Variants in DPP6 observed in about 807,000 individuals in gnomAD.
DPP6 encodes the protein dipeptidyl peptidase like 6, also known as A-type potassium channel modulatory protein DPP6.
Under a neutral mutation model 122.6 loss-of-function variants are expected in DPP6, and 69 were observed. That is an observed-to-expected ratio of 0.56 (90% CI 0.46 to 0.69). The LOEUF is 0.69. Among genes scored for constraint, DPP6 ranks in the 30% least tolerant of loss-of-function variants. The probability of loss-of-function intolerance (pLI) is 0.00; values close to 1 mark genes in which losing one functional copy is unlikely to be tolerated. For synonymous variants in DPP6, 418 were observed against 433.1 expected (o/e 0.97, Z 0.43); for missense variants, 928 against 1,116.9 (o/e 0.83, Z 2.41).
the DPP6 span, among the ~76,000 whole-genome samples, chr7:153,815,538 T>C: frequency 6.7e-6 from 1 of 149,054 alleles, no homozygotes; most frequent in African/African-American, 2.5e-5. Context: ...CCCACAGCAG[T>C]CCCCAGAGTG....
intron 4 of DPP6, 134 bp from the exon 5 acceptor site, chr7:154,566,708 C>A: frequency 5.1e-6 from 3 of 588,964 alleles, no homozygotes; most frequent in East Asian, 3.1e-5. Flanking sequence ...TATTATTCAG[C>A]TAACAAAGAA....
At chr7:154,311,784 C>A (rs1237235360) in intron 1 of DPP6, among the ~76,000 whole-genome samples, 1 of 152,156 alleles carries the variant, frequency 6.6e-6, no homozygotes, top group African/African-American at 2.4e-5. Flanking sequence ...CCACTGGTAC[C>A]CATGGTTTAG....
At chr7:154,779,168 T>A (rs1796854256) in intron 10 of DPP6, among the ~76,000 whole-genome samples, 2 of 1,464 alleles carry the variant, frequency 1.4e-3, no homozygotes, top group African/African-American at 2.8e-3. Context: ...CTCCACTACC[T>A]CTACCACATC....
intron 7 of DPP6, 56 bp from the exon 8 acceptor site, chr7:154,727,711 C>A: frequency 6.6e-7 from 1 of 1,521,224 alleles, no homozygotes; most frequent in South Asian, 1.3e-5. Flanking sequence ...TTAAGAACAG[C>A]CTATTTATAA....
intron 4 of DPP6, among the ~76,000 whole-genome samples, chr7:154,558,238 T>C (rs2130449640): frequency 6.6e-6 from 1 of 152,264 alleles, no homozygotes; most frequent in African/African-American, 2.4e-5. Flanking sequence ...GCCTAATACA[T>C]AGATTTCCCT....
chr7:154,548,611 AG>A (rs1209221169), intron 4 of DPP6, among the ~76,000 whole-genome samples: 3 of 152,046 alleles, frequency 2.0e-5, no homozygotes, highest in African/African-American at 7.2e-5. Flanking sequence ...CTGCAGGCTA[AG>A]GGCTGTGTAC....
At chr7:153,887,948 C>T (rs1222196480) in intron 1 of DPP6, among the ~76,000 whole-genome samples, 1 of 152,132 alleles carries the variant, frequency 6.6e-6, no homozygotes, top group Non-Finnish European at 1.5e-5. Context: ...TGCAACTTTG[C>T]GGCTCCGCGG....
chr7:153,828,779 C>T, the DPP6 span, among the ~76,000 whole-genome samples: 1 of 152,102 alleles, frequency 6.6e-6, no homozygotes, highest in Non-Finnish European at 1.5e-5. Flanking sequence ...ACTATGGGAA[C>T]TAATCACTTT....
chr7:153,768,577 T>A, the DPP6 span, among the ~76,000 whole-genome samples: 2 of 152,280 alleles, frequency 1.3e-5, no homozygotes, highest in African/African-American at 2.4e-5. Context: ...TATGGAGGTA[T>A]CTCAGTGTGG....
Position 154,345,767 on chromosome 7 carries a change from T to G in DPP6, c.244-100447T>G, listed in dbSNP as rs77024781. Reference sequence around the variant, plus strand: ...CCAGCCACACTCTGCATCCCTCATTTATGGTCCCTGGAACTGGGACCCTGT... The same window carrying G: ...CCAGCCACACTCTGCATCCCTCATTGATGGTCCCTGGAACTGGGACCCTGT... On this transcript the variant is annotated intron_variant, in intron 1 of 25. Coordinates refer to ENST00000377770, the MANE Select transcript of DPP6 (RefSeq NM_130797.4). Among the ~76,000 whole-genome samples the G allele has an allele frequency of 7.3e-4, 111 of 152,330 alleles. 1 individual carries two copies. The East Asian group carries it at 0.016, about 23-fold the overall frequency.
the DPP6 span, among the ~76,000 whole-genome samples, chr7:153,792,111 C>T: frequency 3.3e-5 from 5 of 152,364 alleles, no homozygotes; most frequent in African/African-American, 9.6e-5. Flanking sequence ...TATTTATAAA[C>T]TTTAAATTGC....
intron 15 of DPP6, among the ~76,000 whole-genome samples, chr7:154,806,468 C>T (rs923942915): frequency 2.0e-5 from 3 of 152,168 alleles, no homozygotes; most frequent in Non-Finnish European, 2.9e-5. Flanking sequence ...CGCGAGCTCT[C>T]GAGGTTTCAC....
intron 1 of DPP6, among the ~76,000 whole-genome samples, chr7:154,043,163 G>A (rs1799848234): frequency 6.6e-6 from 1 of 151,952 alleles, no homozygotes; most frequent in African/African-American, 2.4e-5. Context: ...CAAGGTGGGC[G>A]AATCATCTGA....
intron 4 of DPP6, among the ~76,000 whole-genome samples, chr7:154,551,254 T>A (rs936724547): frequency 6.6e-5 from 10 of 152,244 alleles, no homozygotes; most frequent in African/African-American, 2.4e-4. Context: ...ATCTATCTTT[T>A]GTTTGCTGAT....
At chr7:154,291,166 G>A (rs1413931837) in intron 1 of DPP6, among the ~76,000 whole-genome samples, 2 of 152,102 alleles carry the variant, frequency 1.3e-5, no homozygotes, top group East Asian at 3.9e-4. Flanking sequence ...TCCTGGCCTT[G>A]GAAATCCCTG....
intron 7 of DPP6, among the ~76,000 whole-genome samples, chr7:154,695,569 T>A (rs896074375): frequency 1.3e-5 from 2 of 151,946 alleles, no homozygotes; most frequent in Non-Finnish European, 1.5e-5. Context: ...ACATAGTGAT[T>A]TGGTGTTTTG....
the DPP6 span, among the ~76,000 whole-genome samples, chr7:153,795,314 C>T: frequency 1.3e-5 from 2 of 152,174 alleles, no homozygotes; most frequent in African/African-American, 2.4e-5. Context: ...ACTCAGGAGG[C>T]TGAGGCAGGG....
intron 5 of DPP6, among the ~76,000 whole-genome samples, chr7:154,623,587 G>A (rs62477225): frequency 2.7e-4 from 39 of 142,950 alleles, no homozygotes; most frequent in African/African-American, 3.2e-4. Flanking sequence ...GCACGCACAC[G>A]CGCACACACA....
the DPP6 span, among the ~76,000 whole-genome samples, chr7:153,785,143 A>G: frequency 6.6e-6 from 1 of 152,126 alleles, no homozygotes; most frequent in Non-Finnish European, 1.5e-5. Context: ...AACTGGAATG[A>G]ACTTAGATCC....
Sources: gnomAD v4.1 joint callset for allele counts (sites outside exome capture counted in the v4.1 genomes callset) on GRCh38, gnomAD v4.1.1 for gene constraint, MANE v1.5 for transcripts, NCBI Gene and HGNC (gene_info 2026-07-23, HGNC 2026-07-21) for gene names.